The following LUZP2 variants were observed in gnomAD, a reference collection of about 807,000 sequenced individuals.
LUZP2 encodes leucine zipper protein 2.
In LUZP2, 52 loss-of-function variants were observed where a neutral mutation model predicts 51.6. That is an observed-to-expected ratio of 1.01 (90% CI 0.81 to 1.27). LUZP2 has a LOEUF of 1.27. Among genes scored for constraint, LUZP2 ranks in the 50% most tolerant of loss-of-function variants. LUZP2 has a pLI of 0.00. For synonymous variants in LUZP2, 154 were observed against 137.3 expected, an observed-to-expected ratio of 1.12 and a Z score of -0.85; for missense variants, 436 against 395.4, an observed-to-expected ratio of 1.10 and a Z score of -0.87.
At chr11:25,007,131 A>G (rs1438705274) in intron 9 of LUZP2, among the ~76,000 whole-genome samples, 1 of 152,178 alleles carries the variant, frequency 6.6e-6, no homozygotes, top group Non-Finnish European at 1.5e-5. Flanking sequence ...ACAAACCTTT[A>G]GCTAGACACA....
intron 6 of LUZP2, among the ~76,000 whole-genome samples, chr11:24,906,469 T>C (rs182153705): frequency 1.8e-4 from 28 of 152,186 alleles, no homozygotes; most frequent in African/African-American, 6.7e-4. Flanking sequence ...CCATAAACCA[T>C]ACAAAATCAA....
intron 1 of LUZP2, among the ~76,000 whole-genome samples, chr11:24,541,867 C>G (rs145989099): frequency 2.0e-5 from 3 of 151,818 alleles, no homozygotes; most frequent in Admixed American, 2.0e-4. Context: ...AATTAAGCAA[C>G]TTTACCATCC....
chr11:24,820,741 C>A (rs576739403), intron 5 of LUZP2, among the ~76,000 whole-genome samples: 2 of 151,968 alleles, frequency 1.3e-5, no homozygotes, highest in Non-Finnish European at 2.9e-5. Flanking sequence ...TTGGGTGTTA[C>A]GGTGTTATGT....
intron 1 of LUZP2, among the ~76,000 whole-genome samples, chr11:24,542,433 G>C (rs190566112): frequency 6.6e-6 from 1 of 152,072 alleles, no homozygotes; most frequent in East Asian, 1.9e-4. Flanking sequence ...AAAAGGGAAA[G>C]TATGTCTTCA....
At chr11:24,968,626 C>G (rs1029361369) in intron 7 of LUZP2, among the ~76,000 whole-genome samples, 1 of 152,106 alleles carries the variant, frequency 6.6e-6, no homozygotes, top group Non-Finnish European at 1.5e-5. Flanking sequence ...TAGACCAACT[C>G]TCAGCCAAGG....
At chr11:24,652,117 T>TGTGTGTGTGC (rs1040000880) in intron 1 of LUZP2, among the ~76,000 whole-genome samples, 1 of 151,852 alleles carries the variant, frequency 6.6e-6, no homozygotes, top group African/African-American at 2.4e-5. Context: ...TGTGTTTGTG[T>TGTGTGTGTGC]GTGTGTGTGT....
At chr11:24,732,649 T>C (rs1858755025) in intron 3 of LUZP2, among the ~76,000 whole-genome samples, 1 of 151,734 alleles carries the variant, frequency 6.6e-6, no homozygotes, top group African/African-American at 2.4e-5. Flanking sequence ...ATTATTAGTA[T>C]TGGTTTGCTT....
At chr11:25,038,163 C>G (rs1481538623) in intron 9 of LUZP2, among the ~76,000 whole-genome samples, 1 of 151,966 alleles carries the variant, frequency 6.6e-6, no homozygotes, top group East Asian at 1.9e-4. Context: ...GATTTTGTCC[C>G]TTTACATAAT....
At chr11:24,676,068 C>G (rs889631942) in intron 1 of LUZP2, among the ~76,000 whole-genome samples, 2 of 152,066 alleles carry the variant, frequency 1.3e-5, no homozygotes, top group Non-Finnish European at 2.9e-5. Context: ...ATCTGCCCAC[C>G]TCAGCCTCCC....
intron 10 of LUZP2, among the ~76,000 whole-genome samples, chr11:25,062,608 A>AAG (rs1858875882): frequency 6.7e-6 from 1 of 148,202 alleles, no homozygotes; most frequent in Non-Finnish European, 1.5e-5. Flanking sequence ...AAAAAAAAAA[A>AAG]AAAAAGAAAG....
intron 9 of LUZP2, among the ~76,000 whole-genome samples, chr11:24,992,114 A>T (rs1220094346): frequency 6.6e-6 from 1 of 151,874 alleles, no homozygotes; most frequent in East Asian, 1.9e-4. Context: ...ATTTGTGAAA[A>T]ATTTAACCTT....
chr11:24,679,508 G>A (rs1439115188), intron 1 of LUZP2, among the ~76,000 whole-genome samples: 29 of 152,010 alleles, frequency 1.9e-4, no homozygotes, highest in Admixed American at 1.9e-3. Flanking sequence ...AACCACAGCA[G>A]TGTTTTCCTT....
At chr11:24,659,045 A>G (rs1855918426) in intron 1 of LUZP2, among the ~76,000 whole-genome samples, 2 of 152,236 alleles carry the variant, frequency 1.3e-5, no homozygotes, top group African/African-American at 2.4e-5. Context: ...TAGAAATACC[A>G]TTTAACCCAG....
intron 9 of LUZP2, among the ~76,000 whole-genome samples, chr11:25,026,263 C>A (rs950737953): frequency 2.6e-5 from 4 of 151,892 alleles, no homozygotes; most frequent in Non-Finnish European, 5.9e-5. Context: ...GCATGTTGTG[C>A]ACATGTACCC....
intron 1 of LUZP2, among the ~76,000 whole-genome samples, chr11:24,711,187 T>A (rs575139700): frequency 6.6e-6 from 1 of 152,130 alleles, no homozygotes; most frequent in East Asian, 1.9e-4. Flanking sequence ...CGGTGGCTGA[T>A]GCCTGTAATC....
intron 10 of LUZP2, among the ~76,000 whole-genome samples, chr11:25,050,748 A>G (rs1036208991): frequency 7.2e-5 from 11 of 152,194 alleles, no homozygotes; most frequent in Admixed American, 6.5e-4. Flanking sequence ...AGCTACATGA[A>G]AGAAAGCTGT....
At chr11:24,698,891 A>C (rs1051494196) in intron 1 of LUZP2, among the ~76,000 whole-genome samples, 5 of 152,002 alleles carry the variant, frequency 3.3e-5, no homozygotes, top group Non-Finnish European at 7.4e-5. Context: ...CCCAGTCTCT[A>C]CAAAAAAAAT....
At chr11:24,639,913 G>C (rs370940388) in intron 1 of LUZP2, among the ~76,000 whole-genome samples, 2 of 151,774 alleles carry the variant, frequency 1.3e-5, no homozygotes, top group African/African-American at 4.9e-5. Flanking sequence ...AATGCAATCA[G>C]GGAGCACAAG....
At chr11:24,754,566 A>G (rs1859704360) in intron 4 of LUZP2, among the ~76,000 whole-genome samples, 1 of 152,182 alleles carries the variant, frequency 6.6e-6, no homozygotes, top group African/African-American at 2.4e-5. Context: ...AACCTGAGTA[A>G]CAGGCATATT....
Sources: gnomAD v4.1 joint callset for allele counts (sites outside exome capture counted in the v4.1 genomes callset) on GRCh38, gnomAD v4.1.1 for gene constraint, MANE v1.5 for transcripts, NCBI Gene and HGNC (gene_info 2026-07-23, HGNC 2026-07-21) for gene names.